Variants in SBK1 observed in about 807,000 individuals in gnomAD.
SBK1 encodes the protein serine/threonine-protein kinase SBK1.
Under a neutral mutation model 24.4 loss-of-function variants are expected in SBK1, and 11 were observed. The ratio of observed to expected loss-of-function variants is 0.45; its 90% CI spans 0.28 to 0.75. The LOEUF (loss-of-function observed/expected upper bound fraction) is 0.75. SBK1 is among the 30% of genes least tolerant of loss of function. SBK1 has a pLI of 0.12. For missense variants in SBK1, 467 were observed against 620.5 expected (o/e 0.75, Z 2.63); for synonymous variants, 308 against 284.4 (o/e 1.08, Z -0.83).
chr16:28,292,114 C>T (rs1257096334), upstream of SBK1: 2 of 152,066 alleles, frequency 1.3e-5, no homozygotes, highest in Non-Finnish European at 2.9e-5. Context: ...CAGGCTCCGC[C>T]CCACTAGCAC....
In SBK1 at chr16:28,322,804, C is replaced by G. The variant is rs1312284556; in HGVS notation, c.*1883C>G. 6.5e-6 allele frequency: 1 copy of G among 152,722 alleles called. No individual in the cohort carries two copies. The highest frequency in any genetic ancestry group is 1.5e-5 in the Non-Finnish European group (1 of 68,104). 9.5% of individuals were successfully genotyped at this position (152,722 alleles called of 1,614,324 possible). ...GCCCATCGGGGCTGCCTCTCCCAGC[C>G]GCGACTTCTCCTTTTGCCTTAGGCC... On this transcript the variant is annotated 3_prime_UTR_variant, in exon 4 of 4. Transcript: ENST00000341901.
chr16:28,281,123 C>T (rs1316243724), intron 1 of SBK1, among the ~76,000 whole-genome samples: 1 of 152,124 alleles, frequency 6.6e-6, no homozygotes, highest in African/African-American at 2.4e-5. Flanking sequence ...CATCTCATTC[C>T]CCTCCTTCCA....
At chr16:28,318,092 G>A (rs985578368) in intron 2 of SBK1, among the ~76,000 whole-genome samples, 2 of 152,172 alleles carry the variant, frequency 1.3e-5, no homozygotes, top group Admixed American at 1.3e-4. Flanking sequence ...GTGAGGACAG[G>A]GAGACCTAGG....
chr16:28,305,302 T>G (rs1192532497), intron 1 of SBK1, among the ~76,000 whole-genome samples: 2 of 152,080 alleles, frequency 1.3e-5, no homozygotes, highest in African/African-American at 4.8e-5. Context: ...AACCTCCACC[T>G]CCCAGGTTCA....
chr16:28,292,475 G>T (rs2044606612), upstream of SBK1: 1 of 945,378 alleles, frequency 1.1e-6, no homozygotes, highest in South Asian at 4.7e-5. Context: ...CCGGAGGGCG[G>T]AGCCGCGGGC....
chr16:28,306,332 T>A (rs2044716520), intron 1 of SBK1, among the ~76,000 whole-genome samples: 1 of 152,216 alleles, frequency 6.6e-6, no homozygotes, highest in African/African-American at 2.4e-5. Context: ...CCGATGACTT[T>A]GAGTTCTGGG....
upstream of SBK1, chr16:28,290,524 A>AGGCGTGTGC (rs2141573905): frequency 6.6e-6 from 1 of 152,292 alleles, no homozygotes; most frequent in African/African-American, 2.4e-5. Context: ...AATCCCAGCT[A>AGGCGTGTGC]CTCAGGAGGC....
intron 1 of SBK1, among the ~76,000 whole-genome samples, chr16:28,279,111 G>A (rs2044513018): frequency 6.6e-6 from 1 of 151,680 alleles, no homozygotes; most frequent in Admixed American, 6.6e-5. Context: ...GGAGGCTGAG[G>A]CAGGAGAATC....
chr16:28,312,572 G>A (rs1021898856), intron 1 of SBK1, among the ~76,000 whole-genome samples: 2 of 152,196 alleles, frequency 1.3e-5, no homozygotes, highest in African/African-American at 2.4e-5. Context: ...ATGTGGGACC[G>A]GGTTCTCTGG....
At chr16:28,303,697 T>C (rs143499128) in intron 1 of SBK1, among the ~76,000 whole-genome samples, 6 of 151,720 alleles carry the variant, frequency 4.0e-5, no homozygotes, top group South Asian at 4.2e-4. Context: ...AAAAAAAAAT[T>C]TGTAGAGATG....
At chr16:28,287,580 C>A (rs1377034653), upstream of SBK1, among the ~76,000 whole-genome samples, 1 of 152,204 alleles carries the variant, frequency 6.6e-6, no homozygotes, top group African/African-American at 2.4e-5. Flanking sequence ...GCAAGAGTGG[C>A]TTATCCCTAG....
In SBK1 at chr16:28,319,239, G is replaced by C; in HGVS notation, c.429+42G>C. 6 of 1,514,106 alleles carry C rather than the reference G, an allele frequency of 4.0e-6. No individual in the cohort carries two copies. The highest frequency in any genetic ancestry group is 5.5e-6 in the Non-Finnish European group (6 of 1,089,904). 93.8% of individuals were successfully genotyped at this position (1,514,106 alleles called of 1,614,324 possible). On this transcript the variant is annotated intron_variant, in intron 3 of 3. Transcript: ENST00000341901. The surrounding 1 kb of genome is among the most constrained non-coding windows in gnomAD (Gnocchi z 4.0). ...CATAGGGTGGGGAAAGGGTCTTCAG[G>C]GTCCCAGAGTGTGAGAGTGGGAGTG...
chr16:28,291,557 A>T (rs955455318), upstream of SBK1: 1 of 65,802 alleles, frequency 1.5e-5, no homozygotes, highest in Non-Finnish European at 4.1e-5. Context: ...GCTTGAAGCT[A>T]AAAAAACAAA....
rs535424696 is a variant in SBK1, at chr16:28,320,708, G to C, written c.1062G>C (p.Thr354=). 1.8e-6 allele frequency: 2 copies of C among 1,123,210 alleles called. No homozygotes were observed. Among genetic ancestry groups the C allele is most frequent in the Admixed American group, 5.2e-5 (1 of 19,242 alleles). 69.6% of individuals were successfully genotyped at this position (1,123,210 alleles called of 1,614,324 possible). A position where few individuals can be genotyped will look rare whatever the true frequency, so the allele number is the denominator to read the frequency against. The stretch of plus-strand genomic sequence containing the variant: ...AGGCGCCTGGGCCGCTCAAGCGGAC[G>C]GTGCTGACCGAGAGCGGCAGCGGCT... ...RLEAPGPLKR[T]VLTESGSGSR... The change falls in exon 4 of 4, where the codon ACG becomes ACC. Residue 354 remains threonine, a synonymous_variant. Coordinates refer to ENST00000341901, the MANE Select transcript of SBK1 (RefSeq NM_001024401.3). This position sits in a 1 kb window ranked among gnomAD's most constrained non-coding sequence, Gnocchi z 8.5.
At chr16:28,261,002 A>G (rs547749493) in intron 1 of SBK1, among the ~76,000 whole-genome samples, 11 of 152,224 alleles carry the variant, frequency 7.2e-5, no homozygotes, top group African/African-American at 2.2e-4. Context: ...GGTGCAAATA[A>G]GAAACAAAGT....
At chr16:28,292,265 T>TG (rs1171857366), upstream of SBK1, 1 of 19,524 alleles carries the variant, frequency 5.1e-5, no homozygotes, top group Non-Finnish European at 9.4e-5. Context: ...GTGGGGTGGG[T>TG]GGGGGGTGGG....
chr16:28,304,247 C>T (rs937409747), intron 1 of SBK1, among the ~76,000 whole-genome samples: 4 of 152,142 alleles, frequency 2.6e-5, no homozygotes, highest in African/African-American at 4.8e-5. Flanking sequence ...TCCAGTTCTG[C>T]GGCATTTCCT....
chr16:28,282,311 C>T (rs543910176), intron 1 of SBK1, among the ~76,000 whole-genome samples: 13 of 152,122 alleles, frequency 8.5e-5, no homozygotes, highest in African/African-American at 1.9e-4. Flanking sequence ...TCTGAGCTGC[C>T]GGGTGGGCTC....
In SBK1 at chr16:28,320,900, G is replaced by A. The variant is rs1443123025; in HGVS notation, c.1254G>A (p.Thr418=). The A allele has an allele frequency of 2.7e-6, 4 of 1,493,988 alleles. No homozygotes were observed. Among genetic ancestry groups the A allele is most frequent in the African/African-American group, 1.5e-5 (1 of 68,370 alleles). The allele number at this position is 1,493,988 out of a possible 1,614,324, so 92.5% of individuals were successfully genotyped here. ...GCAAAGGGCAGGTGGTGCTGGCCAC[G>A]GCCATCGAGATCTGCGTCTGAGTCG... is the stretch of plus-strand genomic sequence containing the variant. ...DKSKGQVVLA[T]AIEICV Residue 418 remains threonine, a synonymous_variant, in exon 4 of 4, where the codon ACG becomes ACA. Transcript: ENST00000341901. The surrounding 1 kb of genome is among the most constrained non-coding windows in gnomAD (Gnocchi z 8.5).
Sources: gnomAD v4.1 joint callset for allele counts (sites outside exome capture counted in the v4.1 genomes callset) on GRCh38, gnomAD v4.1.1 for gene constraint, Gnocchi (gnomAD v3.1) non-coding constraint, MANE v1.5 for transcripts, NCBI Gene and HGNC (gene_info 2026-07-23, HGNC 2026-07-21) for gene names.